Variants in NLRX1 observed in about 807,000 individuals in gnomAD.
NLRX1 encodes the protein NLR family member X1, also known as NOD-like receptor X1.
Under a neutral mutation model 74.2 loss-of-function variants are expected in NLRX1, and 67 were observed. The ratio of observed to expected loss-of-function variants is 0.90; its 90% CI spans 0.74 to 1.11. NLRX1 has a LOEUF of 1.11. Ranked by LOEUF, NLRX1 falls within the 50% of genes least tolerant of loss-of-function variation. The probability of loss-of-function intolerance (pLI) is 0.00; values close to 1 mark genes in which losing one functional copy is unlikely to be tolerated. For missense variants in NLRX1, 1,191 were observed against 1,305.4 expected (o/e 0.91, Z 1.35); for synonymous variants, 506 against 559.1 (o/e 0.91, Z 1.34).
intron 9 of NLRX1, among the ~76,000 whole-genome samples, chr11:119,182,554 C>T (rs1445815896): frequency 6.6e-6 from 1 of 152,160 alleles, no homozygotes; most frequent in Non-Finnish European, 1.5e-5. Flanking sequence ...TCCCTACCAC[C>T]ATTTCTCCTA....
intron 9 of NLRX1, 23 bp downstream of exon 9, chr11:119,182,368 T>C (rs2135196289): frequency 1.2e-6 from 2 of 1,601,542 alleles, no homozygotes; most frequent in Non-Finnish European, 1.7e-6. Flanking sequence ...CCTGGTCCCA[T>C]TGCCCCCAGC....
chr11:119,175,278 ACAT>A lies in NLRX1; in HGVS notation c.1671+6_1671+8del, dbSNP rs1238218923. The stretch of plus-strand genomic sequence containing the variant: ...TCTGCTCTTCAACCTGATCAAGGTA[ACAT>A]CCCGATCAAGGTAACCCCCCAACCT... On this transcript the variant is annotated splice_donor_5th_base_variant and intron_variant, in intron 6 of 9. Coordinates refer to ENST00000409109, the MANE Select transcript of NLRX1 (RefSeq NM_001282144.2). 1 of 1,609,474 alleles carries A rather than the reference ACAT, an allele frequency of 6.2e-7. No homozygotes were observed. The highest frequency in any genetic ancestry group is 1.7e-5 in the Admixed American group (1 of 59,896).
At chr11:119,181,407 T>C (rs923391537) in intron 8 of NLRX1, 150 bp downstream of exon 8, 3 of 637,544 alleles carry the variant, frequency 4.7e-6, no homozygotes, top group Middle Eastern at 4.0e-4. Flanking sequence ...TTCCCCCAGG[T>C]CCACTGCAAG....
intron 6 of NLRX1, among the ~76,000 whole-genome samples, chr11:119,176,841 T>G (rs1174240061): frequency 6.6e-6 from 1 of 152,134 alleles, no homozygotes; most frequent in Non-Finnish European, 1.5e-5. Context: ...CTTTTTATTT[T>G]TATAGGCACC....
At chr11:119,171,548 C>A in intron 2 of NLRX1, 75 bp downstream of exon 2, 2 of 1,059,358 alleles carry the variant, frequency 1.9e-6, no homozygotes, top group Non-Finnish European at 2.9e-6. Flanking sequence ...TCCAAGACAG[C>A]AGGGATCCAG....
At chr11:119,171,538 T>G in intron 2 of NLRX1, 65 bp downstream of exon 2, 1 of 1,195,184 alleles carries the variant, frequency 8.4e-7, no homozygotes, top group Non-Finnish European at 1.2e-6. Context: ...ACATGATGCC[T>G]CCAAGACAGC....
chr11:119,179,914 C>T lies in NLRX1; in HGVS notation c.1893C>T (p.Leu631=). 6.2e-7 allele frequency: 1 copy of T among 1,611,726 alleles called. No individual in the cohort carries two copies. The highest frequency in any genetic ancestry group is 8.5e-7 in the Non-Finnish European group (1 of 1,178,264). Residue 631 remains leucine (L), a synonymous_variant, in exon 7 of 10, where the codon CTC becomes CTT. Transcript: ENST00000409109. The part of the protein sequence containing the change: ...ELFPMFMGGL[L]SAHNRAVLAQ... ...TCCCCATGTTCATGGGGGGGCTTCT[C>T]TCTGCCCACAACCGAGCTGTGCTAG...
rs915468896 is a variant in NLRX1 at position 119,183,541 on chromosome 11, G to C, written c.*102G>C. 1.7e-6 allele frequency: 2 copies of C among 1,196,046 alleles called. No individual in the cohort carries two copies. The highest frequency in any genetic ancestry group is 2.4e-6 in the Non-Finnish European group (2 of 840,592). The allele number at this position is 1,196,046 out of a possible 1,614,324, so 74.1% of individuals were successfully genotyped here. A position where few individuals can be genotyped will look rare whatever the true frequency, so the allele number is the denominator to read the frequency against. ...GCTCCCTCTAGAAAGATTCCTTCAG[G>C]TCTGGAGGCAGAGGAATGGGCATAG... is the stretch of plus-strand genomic sequence containing the variant. On this transcript the variant is annotated 3_prime_UTR_variant, in exon 10 of 10. Transcript: ENST00000409109. The surrounding 1 kb of genome is among the most constrained non-coding windows in gnomAD (Gnocchi z 5.7).
intron 6 of NLRX1, among the ~76,000 whole-genome samples, chr11:119,176,736 T>A (rs573565307): frequency 6.6e-6 from 1 of 152,118 alleles, no homozygotes; most frequent in African/African-American, 2.4e-5. Context: ...AATAAAAAAT[T>A]TTTAATTTTG....
intron 6 of NLRX1, 105 bp from the exon 7 acceptor site, chr11:119,179,588 A>G (rs554989151): frequency 2.2e-6 from 2 of 923,650 alleles, no homozygotes; most frequent in Non-Finnish European, 3.3e-6. Flanking sequence ...GTTCAAGGGG[A>G]GATCACAGGG....
In NLRX1 at chr11:119,174,596, C is replaced by A. The variant is rs552633626; in HGVS notation, c.993C>A (p.Cys331Ter). 3.7e-6 allele frequency: 6 copies of A among 1,614,180 alleles called. No homozygotes were observed. Among genetic ancestry groups the A allele is most frequent in the Non-Finnish European group, 5.1e-6 (6 of 1,180,048 alleles). The stretch of plus-strand genomic sequence containing the variant: ...AGCTCCGCCTCAACCAGCCGTACTG[C>A]GGGTATGCCGTTGGCGGTTCAGGTG... ...YFQLRLNQPY[C>*]GYAVGGSGVS... Residue 331 changes from cysteine (C) to a stop codon, truncating the protein, a stop_gained, in exon 6 of 10, where the codon TGC (cysteine) becomes TGA (stop). Transcript: ENST00000409109. LOFTEE classifies it high-confidence loss of function.
chr11:119,182,474 G>A (rs1339116341), intron 9 of NLRX1, 129 bp downstream of exon 9: 2 of 1,349,540 alleles, frequency 1.5e-6, no homozygotes, highest in African/African-American at 1.4e-5. Flanking sequence ...CCTGGTTTCT[G>A]ACTGATCCTT....
rs1948571268 is a variant in NLRX1, at chr11:119,172,338, T to A, written c.71-18T>A. ...TTGCATGGGATCTGCAGATGCTATT[T>A]CTTCCTTCTCTCTGTAGATGATCGT... On this transcript the variant is annotated intron_variant, in intron 2 of 9. Transcript: ENST00000409109. 1 of 1,601,024 alleles carries A rather than the reference T, an allele frequency of 6.2e-7. No individual in the cohort carries two copies. The highest frequency in any genetic ancestry group is 1.3e-5 in the African/African-American group (1 of 74,744).
Position 119,171,380 on chromosome 11 carries a change from C to G in NLRX1, c.-24C>G. On this transcript the variant is annotated 5_prime_UTR_variant, in exon 2 of 10. Transcript: ENST00000409109. ...GGACAGAAGTCGGTCCTAGGCCCCC[C>G]AGGCTCTGACCTTCTTTCCCAGGAT... The G allele has an allele frequency of 4.3e-6, 7 of 1,612,990 alleles. No homozygotes were observed. The highest frequency in any genetic ancestry group is 5.9e-6 in the Non-Finnish European group (7 of 1,179,652).
At chr11:119,181,360 A>G (rs1446911380) in intron 8 of NLRX1, 103 bp downstream of exon 8, 17 of 851,440 alleles carry the variant, frequency 2.0e-5, no homozygotes, top group Non-Finnish European at 2.9e-5. Context: ...GGGATAGTAA[A>G]TGGAGGAGAG....
At chr11:119,181,733 G>A (rs1948840900) in intron 8 of NLRX1, among the ~76,000 whole-genome samples, 1 of 152,130 alleles carries the variant, frequency 6.6e-6, no homozygotes, top group Non-Finnish European at 1.5e-5. Context: ...AGAAGGATAG[G>A]GGAGTCAGAG....
intron 7 of NLRX1, among the ~76,000 whole-genome samples, 181 bp from the exon 8 acceptor site, chr11:119,180,990 G>A (rs1456222772): frequency 6.6e-6 from 1 of 152,112 alleles, no homozygotes; most frequent in Non-Finnish European, 1.5e-5. Context: ...GCAGTGAGTT[G>A]TGATCATGCC....
chr11:119,172,429 A>C lies in NLRX1; in HGVS notation c.140+4A>C, dbSNP rs1486027749. 1 of 1,606,790 alleles carries C rather than the reference A, an allele frequency of 6.2e-7. No homozygotes were observed. The highest frequency in any genetic ancestry group is 1.1e-5 in the South Asian group (1 of 90,912). ...AGCGTCCCTTTGGGCCCCCTAGGTG[A>C]GGCCTGGGTGTCATACCTTAGGACT... On this transcript the variant is annotated splice_donor_region_variant and intron_variant, in intron 3 of 9. Transcript: ENST00000409109.
chr11:119,170,000 GAAAAAAAAAAAAAAAAA>G (rs59630475), intron 1 of NLRX1, among the ~76,000 whole-genome samples: 11 of 40,334 alleles, frequency 2.7e-4, no homozygotes, highest in Admixed American at 8.9e-4. Context: ...CCTGTCTCAG[GAAAAAAAAAAAAAAAAA>G]AAAAAAAAAA....
Sources: gnomAD v4.1 joint callset for allele counts (sites outside exome capture counted in the v4.1 genomes callset) on GRCh38, gnomAD v4.1.1 for gene constraint, Gnocchi (gnomAD v3.1) non-coding constraint, MANE v1.5 for transcripts, NCBI Gene and HGNC (gene_info 2026-07-23, HGNC 2026-07-21) for gene names.